Variants in PRELID2 observed in about 807,000 individuals in gnomAD.
PRELID2 encodes PRELI domain containing 2.
A neutral mutation model predicts 28.4 loss-of-function variants in PRELID2; 25 were observed. The ratio of observed to expected loss-of-function variants is 0.88; its 90% CI spans 0.64 to 1.23. The LOEUF (loss-of-function observed/expected upper bound fraction) is 1.23, where lower values mean the gene tolerates loss of function less well. Ranked by LOEUF, PRELID2 falls within the 50% of genes most tolerant of loss-of-function variation. The pLI is 0.00. For synonymous variants in PRELID2, 76 were observed against 71.6 expected (o/e 1.06, Z -0.31); for missense variants, 201 against 214.4 (o/e 0.94, Z 0.39).
chr5:145,818,170 T>C (rs536331135), intron 3 of PRELID2, 116 bp from the exon 4 acceptor site: 2 of 1,046,050 alleles, frequency 1.9e-6, no homozygotes, highest in East Asian at 2.6e-5. Flanking sequence ...TCCTGATACA[T>C]GGATGATGGC....
At chr5:145,772,518 T>A (rs2149783599) in intron 5 of PRELID2, among the ~76,000 whole-genome samples, 1 of 152,324 alleles carries the variant, frequency 6.6e-6, no homozygotes, top group East Asian at 1.9e-4. Context: ...GTGAGGGCCT[T>A]CTTGCTGTGT....
At chr5:145,232,014 T>C in the PRELID2 span, among the ~76,000 whole-genome samples, 223 of 152,156 alleles carry the variant, frequency 1.5e-3, 1 homozygote, top group African/African-American at 5.2e-3. Flanking sequence ...ACACGCTCAC[T>C]CATGCATACA....
intron 5 of PRELID2, among the ~76,000 whole-genome samples, chr5:145,793,448 G>C (rs1056931931): frequency 1.3e-5 from 2 of 152,032 alleles, no homozygotes; most frequent in Non-Finnish European, 1.5e-5. Context: ...TGCAGGCTCA[G>C]CTGTGAAGGT....
At chr5:145,317,807 C>T in the PRELID2 span, among the ~76,000 whole-genome samples, 1 of 152,162 alleles carries the variant, frequency 6.6e-6, no homozygotes, top group Non-Finnish European at 1.5e-5. Flanking sequence ...AATGGTATTA[C>T]TTTCCTGCTG....
chr5:145,503,219 G>A (rs184965076), intron 1 of PRELID2, among the ~76,000 whole-genome samples: 5 of 152,124 alleles, frequency 3.3e-5, no homozygotes, highest in East Asian at 1.9e-4. Flanking sequence ...CTATTTCATC[G>A]CTGTGGTTCT....
intron 1 of PRELID2, among the ~76,000 whole-genome samples, chr5:145,668,950 T>C (rs1056925411): frequency 3.3e-5 from 5 of 152,078 alleles, no homozygotes; most frequent in Admixed American, 2.0e-4. Context: ...CAGCTCCCCC[T>C]TTCACAGGCT....
chr5:145,510,474 T>C (rs576284682), intron 1 of PRELID2, among the ~76,000 whole-genome samples: 1 of 152,324 alleles, frequency 6.6e-6, no homozygotes, highest in South Asian at 2.1e-4. Flanking sequence ...GGAGGCATTC[T>C]TGCCTGGATC....
At position 145,604,882 on chromosome 5, in the gene PRELID2, C is replaced by CATATATATATATATATATATAT. The variant is rs35401852; in HGVS notation, n.71-131589_71-131568dup. Among the ~76,000 whole-genome samples the CATATATATATATATATATATAT allele has an allele frequency of 3.4e-3, 391 of 115,956 alleles. 9 individuals are homozygous for CATATATATATATATATATATAT. The highest frequency in any genetic ancestry group is 0.016 in the Admixed American group (161 of 10,352). The allele number at this position is 115,956 out of a possible 152,430, so 76.1% of individuals were successfully genotyped here. A position where few individuals can be genotyped will look rare whatever the true frequency, so the allele number is the denominator to read the frequency against. ...ACCATATTTTAATATGCTTGTTGGCCATATATATATATATATATATATTCT... is the reference window on the plus strand; with the variant it reads ...ACCATATTTTAATATGCTTGTTGGCCATATATATATATATATATATATATATATATATATATATATATATTCT... On this transcript the variant is annotated intron_variant and non_coding_transcript_variant, in intron 1 of 2. Transcript: ENST00000510259.
chr5:145,386,212 A>C, the PRELID2 span, among the ~76,000 whole-genome samples: 16 of 152,054 alleles, frequency 1.1e-4, no homozygotes, highest in Non-Finnish European at 1.9e-4. Flanking sequence ...AATAACCCTT[A>C]TAAAACTATC....
chr5:145,322,349 C>A, the PRELID2 span, among the ~76,000 whole-genome samples: 1 of 152,224 alleles, frequency 6.6e-6, no homozygotes, highest in African/African-American at 2.4e-5. Context: ...GCTCTCCACA[C>A]TGAAAACTTG....
chr5:145,675,569 T>C (rs980824735), intron 1 of PRELID2, among the ~76,000 whole-genome samples: 1 of 152,194 alleles, frequency 6.6e-6, no homozygotes, highest in Non-Finnish European at 1.5e-5. Flanking sequence ...CAGAAAATTA[T>C]CTTTTACAGC....
chr5:145,709,851 G>C (rs1755645829), intron 1 of PRELID2, among the ~76,000 whole-genome samples: 1 of 152,198 alleles, frequency 6.6e-6, no homozygotes, highest in Non-Finnish European at 1.5e-5. Context: ...TGGAGCAGAT[G>C]AGATCGGAGG....
intron 1 of PRELID2, among the ~76,000 whole-genome samples, chr5:145,698,850 C>T (rs1341863897): frequency 1.3e-5 from 2 of 152,202 alleles, no homozygotes; most frequent in Non-Finnish European, 2.9e-5. Flanking sequence ...CCTCAGCCTT[C>T]CAAGTAGCTG....
At chr5:145,711,955 C>A (rs1449665817) in intron 1 of PRELID2, among the ~76,000 whole-genome samples, 2 of 152,158 alleles carry the variant, frequency 1.3e-5, no homozygotes, top group Admixed American at 1.3e-4. Flanking sequence ...CTGGTAGCTG[C>A]ACTACAAAAC....
intron 1 of PRELID2, among the ~76,000 whole-genome samples, chr5:145,517,562 T>A (rs889035812): frequency 1.3e-5 from 2 of 152,122 alleles, no homozygotes; most frequent in African/African-American, 4.8e-5. Flanking sequence ...ATTAATTCAA[T>A]CACTGTGGAA....
chr5:145,483,398 T>G (rs1752180353), intron 1 of PRELID2, among the ~76,000 whole-genome samples: 2 of 152,200 alleles, frequency 1.3e-5, no homozygotes, highest in South Asian at 4.1e-4. Flanking sequence ...TATTCTAGAC[T>G]GCATCATTGT....
chr5:145,643,423 C>T (rs561177338), intron 1 of PRELID2, among the ~76,000 whole-genome samples: 6 of 152,186 alleles, frequency 3.9e-5, no homozygotes, highest in East Asian at 1.9e-4. Flanking sequence ...CTGAGAAGAT[C>T]GGGTTTTCTA....
At chr5:145,550,892 T>C (rs1752827498) in intron 1 of PRELID2, among the ~76,000 whole-genome samples, 1 of 152,198 alleles carries the variant, frequency 6.6e-6, no homozygotes, top group East Asian at 1.9e-4. Context: ...TTGGGGTTGC[T>C]ATTTATACTA....
intron 1 of PRELID2, among the ~76,000 whole-genome samples, chr5:145,659,080 AGGAGG>A (rs1754445359): frequency 6.6e-6 from 1 of 152,192 alleles, no homozygotes; most frequent in Non-Finnish European, 1.5e-5. Flanking sequence ...CTGACCTAAG[AGGAGG>A]CTGGAGTTAG....
Sources: allele counts gnomAD v4.1 joint callset (sites outside exome capture counted in the v4.1 genomes callset), GRCh38; gene constraint gnomAD v4.1.1; transcripts MANE v1.5; gene names NCBI Gene and HGNC (gene_info 2026-07-23, HGNC 2026-07-21).